Variants in TSPAN15 observed in about 807,000 individuals in gnomAD.
TSPAN15 encodes tetraspanin 15, also known as tetraspanin-15.
A neutral mutation model predicts 34.5 loss-of-function variants in TSPAN15; 20 were observed. That is an observed-to-expected ratio of 0.58 (90% CI 0.41 to 0.84). The LOEUF is 0.84. Among genes scored for constraint, TSPAN15 ranks in the 40% least tolerant of loss-of-function variants. TSPAN15 has a pLI of 0.00. For missense variants in TSPAN15, 313 were observed against 386.1 expected, an observed-to-expected ratio of 0.81 and a Z score of 1.59; for synonymous variants, 155 against 153.9, an observed-to-expected ratio of 1.01 and a Z score of -0.05.
At chr10:69,474,217 G>A (rs756278264) in intron 1 of TSPAN15, among the ~76,000 whole-genome samples, 15 of 150,628 alleles carry the variant, frequency 1.0e-4, no homozygotes, top group Non-Finnish European at 1.9e-4. Flanking sequence ...CCCTTATGGC[G>A]GCTTCTCCTC....
intron 3 of TSPAN15, among the ~76,000 whole-genome samples, chr10:69,491,702 C>T (rs1841973333): frequency 6.6e-6 from 1 of 152,208 alleles, no homozygotes; most frequent in Non-Finnish European, 1.5e-5. Context: ...ACTAGGCCAG[C>T]AGCAGGGCCT....
At chr10:69,477,700 A>T (rs990949262) in intron 1 of TSPAN15, among the ~76,000 whole-genome samples, 2 of 152,106 alleles carry the variant, frequency 1.3e-5, no homozygotes, top group Non-Finnish European at 2.9e-5. Flanking sequence ...TCGGCTTTGT[A>T]TTTTGCAAAG....
chr10:69,520,971 C>T, the TSPAN15 span, among the ~76,000 whole-genome samples: 1 of 141,874 alleles, frequency 7.0e-6, no homozygotes, highest in East Asian at 2.2e-4. Context: ...TCTCCACACC[C>T]TTGCCAACAC....
chr10:69,484,937 C>T (rs773132125), intron 2 of TSPAN15, among the ~76,000 whole-genome samples: 6 of 152,140 alleles, frequency 3.9e-5, no homozygotes, highest in South Asian at 2.1e-4. Context: ...TCCTGCCCTC[C>T]GGCTCCAGAG....
the TSPAN15 span, among the ~76,000 whole-genome samples, chr10:69,519,743 AT>A: frequency 9.4e-5 from 14 of 149,712 alleles, no homozygotes; most frequent in East Asian, 2.0e-4. Flanking sequence ...CATTGTAACC[AT>A]TTTTTTTTTG....
intron 1 of TSPAN15, among the ~76,000 whole-genome samples, chr10:69,458,565 G>A (rs1841166502): frequency 6.6e-6 from 1 of 152,160 alleles, no homozygotes; most frequent in Non-Finnish European, 1.5e-5. Context: ...CTGAAAGTGG[G>A]GCAGCCTTCA....
chr10:69,460,909 G>T (rs562752056), intron 1 of TSPAN15, among the ~76,000 whole-genome samples: 117 of 152,244 alleles, frequency 7.7e-4, no homozygotes, highest in Non-Finnish European at 1.3e-3. Flanking sequence ...TGAGGAGGAT[G>T]AGCACTTCTT....
intron 1 of TSPAN15, among the ~76,000 whole-genome samples, chr10:69,461,143 A>T (rs1441018700): frequency 1.3e-5 from 2 of 152,126 alleles, no homozygotes; most frequent in East Asian, 3.9e-4. Flanking sequence ...AGTTTGCTTC[A>T]TCTCTTTGCA....
chr10:69,464,148 G>A (rs1034021974), intron 1 of TSPAN15, among the ~76,000 whole-genome samples: 1 of 152,232 alleles, frequency 6.6e-6, no homozygotes, highest in African/African-American at 2.4e-5. Context: ...TAGAGCCTCC[G>A]GAGAGAGTAT....
chr10:69,541,422 G>A, the TSPAN15 span, among the ~76,000 whole-genome samples: 1 of 152,190 alleles, frequency 6.6e-6, no homozygotes, highest in Non-Finnish European at 1.5e-5. Context: ...CATTCCAAAT[G>A]GGAGAAATTG....
chr10:69,467,266 G>C (rs898735067), intron 1 of TSPAN15, among the ~76,000 whole-genome samples: 1 of 152,128 alleles, frequency 6.6e-6, no homozygotes, highest in African/African-American at 2.4e-5. Context: ...TCCCATTACA[G>C]CCTGTATTTA....
rs547233952 is a variant in TSPAN15 at position 69,464,861 on chromosome 10, T to C, written c.96+13171T>C. The stretch of plus-strand genomic sequence containing the variant: ...GGGGACAATGGACACTACTCAGTGG[T>C]TTCAAACCAGGAGCTTCCTCTCCAG... On this transcript the variant is annotated intron_variant, in intron 1 of 7. Transcript: ENST00000373290. 1.2e-3 allele frequency among the ~76,000 whole-genome samples: 185 copies of C among 152,064 alleles called. 1 individual carries two copies. Among genetic ancestry groups the C allele is most frequent in the Non-Finnish European group, 2.3e-3 (154 of 68,000 alleles).
chr10:69,453,150 G>GC (rs1303310024), intron 1 of TSPAN15, among the ~76,000 whole-genome samples: 1 of 152,118 alleles, frequency 6.6e-6, no homozygotes, highest in Non-Finnish European at 1.5e-5. Flanking sequence ...ATGTTTGGGG[G>GC]GCGGAGGATG....
rs566102602 is a variant in TSPAN15, at chr10:69,499,623, A to C, written c.570+1227A>C. ...TCCAGGTTCTGGGGGTGTAGCAAAC[A>C]AAGTCTCTGCCCGCAAGGAGGTGAC... On this transcript the variant is annotated intron_variant, in intron 5 of 7. Transcript: ENST00000373290. 4.6e-5 allele frequency among the ~76,000 whole-genome samples: 7 copies of C among 152,368 alleles called. No homozygotes were observed. The East Asian group carries it at 1.3e-3, about 29-fold the overall frequency.
intron 1 of TSPAN15, among the ~76,000 whole-genome samples, chr10:69,467,523 A>T (rs767389270): frequency 6.6e-6 from 1 of 152,098 alleles, no homozygotes; most frequent in Non-Finnish European, 1.5e-5. Flanking sequence ...CTGAGGCAGG[A>T]GGATCGCTTG....
chr10:69,478,989 A>G (rs1160603906), intron 1 of TSPAN15, among the ~76,000 whole-genome samples: 2 of 152,214 alleles, frequency 1.3e-5, no homozygotes, highest in African/African-American at 2.4e-5. Context: ...TTAGAGGTAA[A>G]CAAAAGTAAA....
At chr10:69,476,566 CAA>C (rs34169685) in intron 1 of TSPAN15, among the ~76,000 whole-genome samples, 24 of 97,270 alleles carry the variant, frequency 2.5e-4, no homozygotes, top group Admixed American at 2.1e-4. Context: ...CAAAGGGTCT[CAA>C]AAAAAAAAAA....
the TSPAN15 span, among the ~76,000 whole-genome samples, chr10:69,539,755 C>T: frequency 6.6e-6 from 1 of 152,050 alleles, no homozygotes; most frequent in African/African-American, 2.4e-5. Flanking sequence ...AACCTGTCTC[C>T]AGATTTACCT....
chr10:69,531,880 C>T, the TSPAN15 span, among the ~76,000 whole-genome samples: 1 of 147,808 alleles, frequency 6.8e-6, no homozygotes, highest in East Asian at 2.0e-4. Flanking sequence ...CCACCTATGA[C>T]AAATCAAGAA....
Sources: allele counts gnomAD v4.1 joint callset (sites outside exome capture counted in the v4.1 genomes callset), GRCh38; gene constraint gnomAD v4.1.1; transcripts MANE v1.5; gene names NCBI Gene and HGNC (gene_info 2026-07-23, HGNC 2026-07-21).